FAM13A: variants seen among roughly 807,000 people sequenced by gnomAD.
The protein encoded by FAM13A is protein FAM13A.
FAM13A carries 76 observed loss-of-function variants against 129.6 expected under a neutral mutation model. The ratio of observed to expected loss-of-function variants is 0.59; its 90% CI spans 0.49 to 0.71. The LOEUF is 0.71. Among genes scored for constraint, FAM13A ranks in the 30% least tolerant of loss-of-function variants. FAM13A has a pLI of 0.00. For missense variants in FAM13A, 1,108 were observed against 1,249.3 expected, an observed-to-expected ratio of 0.89 and a Z score of 1.70; for synonymous variants, 443 against 449.9, an observed-to-expected ratio of 0.98 and a Z score of 0.20.
chr4:89,052,903 T>C (rs1205081109), intron 1 of FAM13A, among the ~76,000 whole-genome samples: 1 of 152,128 alleles, frequency 6.6e-6, no homozygotes. Flanking sequence ...AGGAAACTGC[T>C]TAAACTATAA....
At chr4:88,949,994 A>C (rs962003542) in intron 4 of FAM13A, among the ~76,000 whole-genome samples, 5 of 152,232 alleles carry the variant, frequency 3.3e-5, no homozygotes, top group Admixed American at 1.3e-4. Context: ...AAAAATTGAC[A>C]TTAATTTCTG....
At chr4:88,861,380 C>CAA (rs373411738) in intron 6 of FAM13A, among the ~76,000 whole-genome samples, 5 of 83,860 alleles carry the variant, frequency 6.0e-5, no homozygotes, top group African/African-American at 1.2e-4. Flanking sequence ...GACTCCGTCT[C>CAA]AAAAAAAAAA....
At chr4:88,787,196 T>C (rs774561436) in intron 10 of FAM13A, among the ~76,000 whole-genome samples, 1 of 152,144 alleles carries the variant, frequency 6.6e-6, no homozygotes, top group Non-Finnish European at 1.5e-5. Context: ...ATTCATACTA[T>C]GGGAATGCCT....
At chr4:88,737,429 AC>A in intron 21 of FAM13A, 42 bp downstream of exon 21, 1 of 1,518,246 alleles carries the variant, frequency 6.6e-7, no homozygotes, top group Non-Finnish European at 9.1e-7. Flanking sequence ...GAGGGAGGGA[AC>A]TGGTGCGGAT....
At chr4:88,731,029 G>A (rs967813865) in intron 23 of FAM13A, among the ~76,000 whole-genome samples, 1 of 152,194 alleles carries the variant, frequency 6.6e-6, no homozygotes, top group African/African-American at 2.4e-5. Flanking sequence ...GCAGCTTCCT[G>A]CTGCTCATTG....
intron 1 of FAM13A, among the ~76,000 whole-genome samples, chr4:89,049,364 T>C (rs529033452): frequency 2.6e-5 from 4 of 152,212 alleles, no homozygotes; most frequent in Non-Finnish European, 4.4e-5. Flanking sequence ...TGTTTATATA[T>C]AGTTTCAGAA....
intron 8 of FAM13A, among the ~76,000 whole-genome samples, chr4:88,792,245 G>C (rs984506845): frequency 6.6e-6 from 1 of 151,900 alleles, no homozygotes; most frequent in East Asian, 1.9e-4. Context: ...GGTTAGAAAG[G>C]TTAAATAACT....
intron 6 of FAM13A, among the ~76,000 whole-genome samples, chr4:88,873,337 T>A (rs1269206885): frequency 6.6e-6 from 1 of 152,046 alleles, no homozygotes; most frequent in East Asian, 1.9e-4. Context: ...CTTCAAAAAA[T>A]TAATGAATCC....
At position 88,728,299 on chromosome 4, in the gene FAM13A, A is replaced by G. The variant is rs1736803379; in HGVS notation, c.*234T>C. The G allele has an allele frequency of 1.7e-6, 1 of 573,068 alleles. No individual in the cohort carries two copies. Among genetic ancestry groups the G allele is most frequent in the Non-Finnish European group, 3.1e-6 (1 of 320,040 alleles). 35.5% of individuals were successfully genotyped at this position (573,068 alleles called of 1,614,324 possible). A position where few individuals can be genotyped will look rare whatever the true frequency, so the allele number is the denominator to read the frequency against. ...CGTGCATGCGCGTGCGCATGTGCACATACTGCAGTCTTGACTTTCCAATTA... is the reference window on the plus strand; with the variant it reads ...CGTGCATGCGCGTGCGCATGTGCACGTACTGCAGTCTTGACTTTCCAATTA... On this transcript the variant is annotated 3_prime_UTR_variant, in exon 24 of 24. Transcript: ENST00000264344.
At chr4:88,865,139 A>C (rs1438066254) in intron 6 of FAM13A, among the ~76,000 whole-genome samples, 2 of 152,218 alleles carry the variant, frequency 1.3e-5, no homozygotes, top group Non-Finnish European at 2.9e-5. Context: ...AATTGTAGTA[A>C]ATTTTTGAAA....
At chr4:88,775,173 G>A (rs1051236386) in intron 11 of FAM13A, among the ~76,000 whole-genome samples, 1 of 152,112 alleles carries the variant, frequency 6.6e-6, no homozygotes, top group South Asian at 2.1e-4. Context: ...ATGAGGACAA[G>A]GAGAGGTCAA....
At chr4:88,755,327 A>C (rs1743404780) in intron 14 of FAM13A, among the ~76,000 whole-genome samples, 1 of 152,234 alleles carries the variant, frequency 6.6e-6, no homozygotes, top group Non-Finnish European at 1.5e-5. Flanking sequence ...AGTGCCTACT[A>C]TGAGCCCATA....
rs186554961 is a variant in FAM13A, at chr4:88,758,176, G to A, written c.1726+578C>T. Among the ~76,000 whole-genome samples the A allele has an allele frequency of 2.0e-5, 3 of 151,852 alleles. No individual in the cohort carries two copies. The East Asian group carries it at 5.8e-4, about 29-fold the overall frequency. Reference sequence around the variant, plus strand: ...CTAATGTTTTCACCAAAAGTCTCTAGGAAAAAAAACCAATCTAAAGCACTC... The same window carrying A: ...CTAATGTTTTCACCAAAAGTCTCTAAGAAAAAAAACCAATCTAAAGCACTC... On this transcript the variant is annotated intron_variant, in intron 14 of 23. Transcript: ENST00000264344.
At chr4:88,825,638 T>C (rs1578838751) in intron 7 of FAM13A, among the ~76,000 whole-genome samples, 1 of 152,114 alleles carries the variant, frequency 6.6e-6, no homozygotes, top group African/African-American at 2.4e-5. Flanking sequence ...AAAATAGACA[T>C]AAAAGCTCAA....
In FAM13A at chr4:88,728,302, C is replaced by G. The variant is rs1319100020; in HGVS notation, c.*231G>C. Reference sequence around the variant, plus strand: ...GCATGCGCGTGCGCATGTGCACATACTGCAGTCTTGACTTTCCAATTACAA... The same window carrying G: ...GCATGCGCGTGCGCATGTGCACATAGTGCAGTCTTGACTTTCCAATTACAA... On this transcript the variant is annotated 3_prime_UTR_variant, in exon 24 of 24. Transcript: ENST00000264344. The G allele has an allele frequency of 6.9e-6, 4 of 576,078 alleles. No homozygotes were observed. Among genetic ancestry groups the G allele is most frequent in the African/African-American group, 3.7e-5 (2 of 53,346 alleles). 35.7% of individuals were successfully genotyped at this position (576,078 alleles called of 1,614,324 possible).
chr4:89,022,279 A>G (rs929929135), intron 2 of FAM13A, among the ~76,000 whole-genome samples: 1 of 152,198 alleles, frequency 6.6e-6, no homozygotes, highest in African/African-American at 2.4e-5. Flanking sequence ...CAAACATGTA[A>G]TAAGTGCCTG....
chr4:88,936,698 A>G (rs1273593989), intron 5 of FAM13A: 1 of 152,140 alleles, frequency 6.6e-6, no homozygotes, highest in Non-Finnish European at 1.5e-5. Context: ...GCCTAAGATT[A>G]TATTTATCTA....
At chr4:88,787,663 G>C in intron 10 of FAM13A, 90 bp downstream of exon 10, 1 of 1,191,144 alleles carries the variant, frequency 8.4e-7, no homozygotes, top group Non-Finnish European at 1.2e-6. Context: ...AGGACCAGGA[G>C]GTATGACTAT....
At chr4:88,975,462 A>G (rs1760767134) in intron 4 of FAM13A, among the ~76,000 whole-genome samples, 1 of 152,172 alleles carries the variant, frequency 6.6e-6, no homozygotes, top group African/African-American at 2.4e-5. Context: ...TAAATTTTCT[A>G]CTTGTCATCA....
Sources: gnomAD v4.1 joint callset for allele counts (sites outside exome capture counted in the v4.1 genomes callset) on GRCh38, gnomAD v4.1.1 for gene constraint, MANE v1.5 for transcripts, NCBI Gene and HGNC (gene_info 2026-07-23, HGNC 2026-07-21) for gene names.